SHISA9: variants seen among roughly 807,000 people sequenced by gnomAD.
SHISA9 encodes shisa family member 9.
A neutral mutation model predicts 38.0 loss-of-function variants in SHISA9; 13 were observed. The observed-to-expected ratio is 0.34, with a 90% CI of 0.22 to 0.54. The LOEUF is 0.54. Among genes scored for constraint, SHISA9 ranks in the 20% least tolerant of loss-of-function variants. SHISA9 has a pLI of 0.91. For synonymous variants in SHISA9, 275 were observed against 242.0 expected (o/e 1.14, Z -1.27); for missense variants, 538 against 575.8 (o/e 0.93, Z 0.67).
the SHISA9 span, among the ~76,000 whole-genome samples, chr16:13,285,845 T>C: frequency 2.0e-5 from 3 of 152,184 alleles, no homozygotes; most frequent in Non-Finnish European, 4.4e-5. Flanking sequence ...CATCAGAGGA[T>C]ACTGGTGGTT....
intron 2 of SHISA9, among the ~76,000 whole-genome samples, chr16:13,055,259 T>G (rs1002693866): frequency 1.3e-5 from 2 of 152,202 alleles, no homozygotes; most frequent in Non-Finnish European, 2.9e-5. Context: ...CCCAAGACCA[T>G]GCTTCAGGTA....
At chr16:13,518,416 C>G in the SHISA9 span, among the ~76,000 whole-genome samples, 1 of 152,284 alleles carries the variant, frequency 6.6e-6, no homozygotes, top group African/African-American at 2.4e-5. Context: ...AATCCCTCTC[C>G]TCTCAGATGC....
chr16:13,170,588 C>T (rs772436184), intron 2 of SHISA9, among the ~76,000 whole-genome samples: 2 of 152,178 alleles, frequency 1.3e-5, no homozygotes, highest in Admixed American at 1.3e-4. Context: ...CCATGGCACA[C>T]GTTTACCTAT....
intron 2 of SHISA9, among the ~76,000 whole-genome samples, chr16:13,078,318 A>G (rs980958515): frequency 3.3e-5 from 5 of 152,366 alleles, no homozygotes; most frequent in Admixed American, 2.0e-4. Context: ...ACTTATAATG[A>G]CTAATACAAT....
At chr16:13,367,112 T>G in the SHISA9 span, among the ~76,000 whole-genome samples, 1 of 149,932 alleles carries the variant, frequency 6.7e-6, no homozygotes, top group Non-Finnish European at 1.5e-5. Flanking sequence ...GTACAAGGAG[T>G]TTCAATTAGC....
chr16:13,413,641 A>T, the SHISA9 span, among the ~76,000 whole-genome samples: 1 of 151,362 alleles, frequency 6.6e-6, no homozygotes, highest in South Asian at 2.1e-4. Flanking sequence ...CTGTAATCCC[A>T]GCTGCTCAGG....
At chr16:13,120,961 T>C (rs998159851) in intron 2 of SHISA9, among the ~76,000 whole-genome samples, 1 of 152,062 alleles carries the variant, frequency 6.6e-6, no homozygotes, top group Non-Finnish European at 1.5e-5. Context: ...TCAGCTTGTT[T>C]CCAGCCTCTA....
chr16:13,220,180 GTTC>G (rs1439184003), intron 4 of SHISA9, among the ~76,000 whole-genome samples: 4 of 152,286 alleles, frequency 2.6e-5, no homozygotes, highest in East Asian at 1.9e-4. Context: ...GATGTGGGAG[GTTC>G]TTCTTATCTC....
chr16:13,067,673 A>T (rs904461255), intron 2 of SHISA9, among the ~76,000 whole-genome samples: 1 of 152,226 alleles, frequency 6.6e-6, no homozygotes, highest in Non-Finnish European at 1.5e-5. Context: ...ATGCCTTGGC[A>T]TTGTCTTCAG....
At chr16:13,397,873 A>G in the SHISA9 span, among the ~76,000 whole-genome samples, 14 of 152,326 alleles carry the variant, frequency 9.2e-5, no homozygotes, top group African/African-American at 2.9e-4. Flanking sequence ...ATGGGAGGAC[A>G]TATAGGCTTG....
At chr16:13,078,184 A>AT (rs2073605801) in intron 2 of SHISA9, among the ~76,000 whole-genome samples, 1 of 152,190 alleles carries the variant, frequency 6.6e-6, no homozygotes. Context: ...TCCGCAGGGG[A>AT]TTGGTTCCAG....
chr16:13,399,427 G>A, the SHISA9 span, among the ~76,000 whole-genome samples: 1 of 152,068 alleles, frequency 6.6e-6, no homozygotes, highest in African/African-American at 2.4e-5. Flanking sequence ...TTAAATTGTA[G>A]TGGTTCTTTG....
chr16:13,117,028 T>A (rs1041548915), intron 2 of SHISA9, among the ~76,000 whole-genome samples: 3 of 152,176 alleles, frequency 2.0e-5, no homozygotes, highest in Non-Finnish European at 4.4e-5. Context: ...TGGAGTGCAG[T>A]GGCGAGTGAT....
At chr16:13,304,406 T>C in the SHISA9 span, among the ~76,000 whole-genome samples, 4 of 152,182 alleles carry the variant, frequency 2.6e-5, no homozygotes, top group Non-Finnish European at 4.4e-5. Context: ...ATTACAGACA[T>C]GCATCACCAT....
chr16:13,100,268 C>A (rs1332133206), intron 2 of SHISA9, among the ~76,000 whole-genome samples: 1 of 152,214 alleles, frequency 6.6e-6, no homozygotes, highest in Non-Finnish European at 1.5e-5. Context: ...CAAGCATACA[C>A]CCAGTTTACT....
chr16:13,372,496 C>T, the SHISA9 span, among the ~76,000 whole-genome samples: 1 of 152,282 alleles, frequency 6.6e-6, no homozygotes, highest in African/African-American at 2.4e-5. Flanking sequence ...TGGCATGGCC[C>T]ACCATAACTC....
chr16:13,085,169 C>T (rs2073696702), intron 2 of SHISA9, among the ~76,000 whole-genome samples: 4 of 152,152 alleles, frequency 2.6e-5, no homozygotes, highest in African/African-American at 9.7e-5. Context: ...GCATTGCAGA[C>T]TCAACTGGCA....
At chr16:13,377,246 G>T in the SHISA9 span, among the ~76,000 whole-genome samples, 1 of 152,176 alleles carries the variant, frequency 6.6e-6, no homozygotes, top group Non-Finnish European at 1.5e-5. Context: ...TGTTGCTCAG[G>T]CTTCACAGGA....
chr16:13,476,323 C>T, the SHISA9 span, among the ~76,000 whole-genome samples: 1 of 152,144 alleles, frequency 6.6e-6, no homozygotes, highest in African/African-American at 2.4e-5. Flanking sequence ...TCCCAAGTTA[C>T]ATTTCCTTCC....
Sources: allele counts gnomAD v4.1 joint callset (sites outside exome capture counted in the v4.1 genomes callset), GRCh38; gene constraint gnomAD v4.1.1; transcripts MANE v1.5; gene names NCBI Gene and HGNC (gene_info 2026-07-23, HGNC 2026-07-21).